KATNAL1: variants seen among roughly 807,000 people sequenced by gnomAD.
The protein encoded by KATNAL1 is katanin catalytic subunit A1 like 1.
KATNAL1 carries 32 observed loss-of-function variants against 55.2 expected under a neutral mutation model. The ratio of observed to expected loss-of-function variants is 0.58; its 90% confidence interval spans 0.44 to 0.78. The LOEUF (loss-of-function observed/expected upper bound fraction) is 0.78, where lower values mean the gene tolerates loss of function less well. KATNAL1 is among the 30% of genes least tolerant of loss of function. The pLI is 0.00. For synonymous variants in KATNAL1, 193 were observed against 193.6 expected (o/e 1.00, Z 0.02); for missense variants, 466 against 600.9 (o/e 0.78, Z 2.35).
intron 4 of KATNAL1, among the ~76,000 whole-genome samples, chr13:30,252,341 G>T (rs949696008): frequency 3.3e-5 from 5 of 152,174 alleles, no homozygotes; most frequent in African/African-American, 7.2e-5. Context: ...ATTATTAGTT[G>T]TTCCATCATA....
At chr13:30,211,281 A>C (rs1052136194) in intron 9 of KATNAL1, among the ~76,000 whole-genome samples, 2 of 152,148 alleles carry the variant, frequency 1.3e-5, no homozygotes, top group Non-Finnish European at 2.9e-5. Flanking sequence ...AATTGCTAAC[A>C]TTTTGCCATT....
In KATNAL1 at chr13:30,227,559, AG is replaced by A. The variant is rs1310251865; in HGVS notation, c.1013-14del. The A allele has an allele frequency of 6.3e-7, 1 of 1,597,238 alleles. No individual in the cohort carries two copies. The highest frequency in any genetic ancestry group is 1.3e-5 in the African/African-American group (1 of 74,348). On this transcript the variant is annotated splice_polypyrimidine_tract_variant and intron_variant, in intron 8 of 10. Transcript: ENST00000380615. Reference sequence around the variant, plus strand: ...GCTCCTCCAACTCCTATACACAGTAAGGGAGGAAAAGATAGTGTTTTTCTTA... The same window carrying A: ...GCTCCTCCAACTCCTATACACAGTAAGGAGGAAAAGATAGTGTTTTTCTTA...
rs186795070 is a variant in KATNAL1, at chr13:30,207,524, C to G, written c.*1016G>C. The G allele has an allele frequency of 6.6e-6, 1 of 152,128 alleles. No homozygotes were observed. The highest frequency in any genetic ancestry group is 2.4e-5 in the African/African-American group (1 of 41,418). The allele number at this position is 152,128 out of a possible 1,614,324, so 9.4% of individuals were successfully genotyped here. ...AATGTAAAAGTATTTATCTCAAATA[C>G]TAAAATCAAACTCAAGAAAAATCAA... On this transcript the variant is annotated 3_prime_UTR_variant, in exon 11 of 11. Coordinates refer to ENST00000380615, the MANE Select transcript of KATNAL1 (RefSeq NM_032116.5).
In KATNAL1 at chr13:30,244,733, C is replaced by T. The variant is rs997045444; in HGVS notation, c.493-3647G>A. Among the ~76,000 whole-genome samples, 5 of 152,232 alleles carry T rather than the reference C, an allele frequency of 3.3e-5. No individual in the cohort carries two copies. The East Asian group carries it at 9.6e-4, about 29-fold the overall frequency. On this transcript the variant is annotated intron_variant, in intron 4 of 10. Transcript: ENST00000380615. The stretch of plus-strand genomic sequence containing the variant: ...AAAACGGATATCACCACTGATTCCA[C>T]AGAAATACAAACTACCATCAGAGAA...
intron 6 of KATNAL1, among the ~76,000 whole-genome samples, chr13:30,240,005 C>A (rs988525948): frequency 1.3e-5 from 2 of 152,104 alleles, no homozygotes; most frequent in Non-Finnish European, 2.9e-5. Context: ...TTTTAAAACA[C>A]AGCTAAAGAC....
chr13:30,225,532 C>A (rs770574326), intron 9 of KATNAL1, among the ~76,000 whole-genome samples: 7 of 151,982 alleles, frequency 4.6e-5, no homozygotes, highest in Non-Finnish European at 8.8e-5. Flanking sequence ...TAGACCCACA[C>A]ATACACAACA....
intron 4 of KATNAL1, among the ~76,000 whole-genome samples, chr13:30,250,297 A>T (rs1878176466): frequency 6.6e-6 from 1 of 152,256 alleles, no homozygotes; most frequent in African/African-American, 2.4e-5. Context: ...TACACTGTAA[A>T]TAGCATAAAA....
At position 30,227,452 on chromosome 13, in the gene KATNAL1, T is replaced by C; in HGVS notation, c.1107A>G (p.Arg369=). Residue 369 remains arginine, a synonymous_variant, in exon 9 of 11, where the codon CGA becomes CGG. Coordinates refer to ENST00000380615, the MANE Select transcript of KATNAL1 (RefSeq NM_032116.5). ...NFPWDIDEAL[R]RRLEKRIYIP... ...TATATATCCTTTTTTCTAACCTTCT[T>C]CGCAAAGCTTCATCAATGTCCCACG... The C allele has an allele frequency of 6.2e-7, 1 of 1,614,032 alleles. No individual in the cohort carries two copies. Among genetic ancestry groups the C allele is most frequent in the Admixed American group, 1.7e-5 (1 of 60,010 alleles).
intron 1 of KATNAL1, among the ~76,000 whole-genome samples, chr13:30,303,721 T>A (rs1477660189): frequency 1.3e-5 from 2 of 152,224 alleles, no homozygotes; most frequent in African/African-American, 4.8e-5. Context: ...TCTCATATTA[T>A]CTAGTGGAAC....
intron 4 of KATNAL1, among the ~76,000 whole-genome samples, chr13:30,253,916 C>G (rs34295250): frequency 1.2e-3 from 181 of 152,270 alleles, no homozygotes; most frequent in Non-Finnish European, 1.7e-3. Flanking sequence ...CACTGTGAGA[C>G]GCTGGCAAGT....
chr13:30,280,378 A>C (rs1014639050), intron 2 of KATNAL1, among the ~76,000 whole-genome samples, 155 bp from the exon 3 acceptor site: 2 of 152,208 alleles, frequency 1.3e-5, no homozygotes, highest in Admixed American at 1.3e-4. Flanking sequence ...ATTTCAAGTA[A>C]TACTGAGAAA....
intron 6 of KATNAL1, among the ~76,000 whole-genome samples, chr13:30,234,245 T>C (rs1164198693): frequency 6.6e-6 from 1 of 152,114 alleles, no homozygotes; most frequent in African/African-American, 2.4e-5. Flanking sequence ...GACAAAAAAA[T>C]TCCTTCACTT....
intron 3 of KATNAL1, among the ~76,000 whole-genome samples, chr13:30,279,308 G>T (rs975481340): frequency 1.3e-5 from 2 of 152,158 alleles, no homozygotes; most frequent in Non-Finnish European, 2.9e-5. Context: ...ATAAAACCAT[G>T]GTCCTTGTCC....
chr13:30,263,307 C>T (rs537062563), intron 3 of KATNAL1, among the ~76,000 whole-genome samples: 3,987 of 152,146 alleles, frequency 0.026, 185 homozygotes, highest in African/African-American at 0.092. Flanking sequence ...TGAAAACGGG[C>T]ACAAGACAGG....
chr13:30,300,202 T>G (rs1457412819), intron 1 of KATNAL1, among the ~76,000 whole-genome samples: 1 of 152,246 alleles, frequency 6.6e-6, no homozygotes, highest in African/African-American at 2.4e-5. Context: ...TTTTTTAAAC[T>G]AATTTTATGT....
intron 1 of KATNAL1, among the ~76,000 whole-genome samples, chr13:30,286,712 T>C (rs1881812598): frequency 6.6e-6 from 1 of 152,108 alleles, no homozygotes; most frequent in South Asian, 2.1e-4. Context: ...CCCGGAATGG[T>C]AGATCCACTG....
chr13:30,265,600 TTAAC>T (rs1294109503), intron 3 of KATNAL1, among the ~76,000 whole-genome samples: 3 of 152,006 alleles, frequency 2.0e-5, no homozygotes, highest in Admixed American at 6.5e-5. Flanking sequence ...CTTATTAAAT[TTAAC>T]TATGCAAAAA....
chr13:30,271,980 T>G (rs1427997566), intron 3 of KATNAL1, among the ~76,000 whole-genome samples: 1 of 151,186 alleles, frequency 6.6e-6, no homozygotes, highest in Non-Finnish European at 1.5e-5. Context: ...TCAAGTATTA[T>G]GAAGGTTAAA....
intron 3 of KATNAL1, among the ~76,000 whole-genome samples, chr13:30,274,718 T>G (rs905011061): frequency 6.6e-6 from 1 of 152,186 alleles, no homozygotes; most frequent in Non-Finnish European, 1.5e-5. Flanking sequence ...ATCCCACTTC[T>G]GAGCATACAG....
Sources: gnomAD v4.1 joint callset for allele counts (sites outside exome capture counted in the v4.1 genomes callset) on GRCh38, gnomAD v4.1.1 for gene constraint, MANE v1.5 for transcripts, NCBI Gene and HGNC (gene_info 2026-07-23, HGNC 2026-07-21) for gene names.